SLC14A2: variants seen among roughly 807,000 people sequenced by gnomAD.
The protein encoded by SLC14A2 is solute carrier family 14 member 2.
In SLC14A2, 91 loss-of-function variants were observed where a neutral mutation model predicts 104.6. The ratio of observed to expected loss-of-function variants is 0.87; its 90% CI spans 0.73 to 1.04. The LOEUF (loss-of-function observed/expected upper bound fraction) is 1.04. SLC14A2 is among the 50% of genes least tolerant of loss of function. The pLI is 0.00. For missense variants in SLC14A2, 1,189 were observed against 1,156.0 expected, an observed-to-expected ratio of 1.03 and a Z score of -0.41; for synonymous variants, 476 against 466.4, an observed-to-expected ratio of 1.02 and a Z score of -0.27.
intron 18 of SLC14A2, among the ~76,000 whole-genome samples, chr18:45,677,061 A>G (rs565170420): frequency 7.6e-4 from 116 of 152,018 alleles, no homozygotes; most frequent in African/African-American, 2.7e-3. Context: ...TCGGCACATC[A>G]CCTGAGACAG....
intron 5 of SLC14A2, among the ~76,000 whole-genome samples, chr18:45,633,943 G>A (rs370687672): frequency 1.7e-4 from 26 of 152,186 alleles, no homozygotes; most frequent in African/African-American, 4.3e-4. Flanking sequence ...TGCCCCCCAC[G>A]TTCCTGCCTG....
At chr18:45,680,450 C>G (rs527262028) in intron 19 of SLC14A2, among the ~76,000 whole-genome samples, 16 of 152,318 alleles carry the variant, frequency 1.1e-4, no homozygotes, top group African/African-American at 3.8e-4. Context: ...TAAAAAAGTA[C>G]AGGCTATTAA....
intron 1 of SLC14A2, among the ~76,000 whole-genome samples, chr18:45,326,784 T>C (rs2085238867): frequency 6.6e-6 from 1 of 152,162 alleles, no homozygotes; most frequent in Non-Finnish European, 1.5e-5. Context: ...GCTCTACAAA[T>C]TTCCTTCCCC....
At chr18:45,520,086 G>A (rs576912216) in intron 2 of SLC14A2, among the ~76,000 whole-genome samples, 11 of 152,352 alleles carry the variant, frequency 7.2e-5, no homozygotes, top group South Asian at 6.2e-4. Flanking sequence ...GTTGAAGTAC[G>A]TAGAGGGTGG....
intron 2 of SLC14A2, among the ~76,000 whole-genome samples, chr18:45,500,576 C>CA (rs34543837): frequency 0.58 from 53,761 of 93,092 alleles, 12,959 homozygotes; most frequent in South Asian, 0.64. Flanking sequence ...GACTCCGTCT[C>CA]AAAAAAAAAA....
chr18:45,654,143 G>GGT (rs909400720), intron 10 of SLC14A2, among the ~76,000 whole-genome samples: 119 of 151,852 alleles, frequency 7.8e-4, no homozygotes, highest in Non-Finnish European at 1.6e-3. Flanking sequence ...ATGCTGGGGG[G>GGT]GACGTGGGTG....
chr18:45,299,468 T>C (rs1259861622), intron 1 of SLC14A2, among the ~76,000 whole-genome samples: 2 of 152,200 alleles, frequency 1.3e-5, no homozygotes, highest in Admixed American at 6.5e-5. Flanking sequence ...GTTTTTGTTT[T>C]TTTATTTTTT....
chr18:45,427,352 A>G (rs1301318141), intron 1 of SLC14A2, among the ~76,000 whole-genome samples: 1 of 152,004 alleles, frequency 6.6e-6, no homozygotes, highest in Non-Finnish European at 1.5e-5. Flanking sequence ...GGTTCTTTCC[A>G]TGGGACCACA....
chr18:45,584,333 C>T (rs2044538463), intron 2 of SLC14A2, among the ~76,000 whole-genome samples: 1 of 152,146 alleles, frequency 6.6e-6, no homozygotes, highest in South Asian at 2.1e-4. Context: ...GAAACTCATG[C>T]CTCATCTCAG....
chr18:45,648,767 T>A (rs1268000484), intron 10 of SLC14A2, among the ~76,000 whole-genome samples: 1 of 152,228 alleles, frequency 6.6e-6, no homozygotes. Context: ...TTTCTTTCAC[T>A]TTTTTACTAT....
intron 1 of SLC14A2, among the ~76,000 whole-genome samples, chr18:45,350,901 T>C (rs1214043210): frequency 6.6e-6 from 1 of 152,192 alleles, no homozygotes; most frequent in Non-Finnish European, 1.5e-5. Context: ...GCAAAAAATA[T>C]AAATTTCACA....
intron 1 of SLC14A2, among the ~76,000 whole-genome samples, chr18:45,395,395 G>T (rs2086017828): frequency 6.6e-6 from 1 of 152,132 alleles, no homozygotes; most frequent in South Asian, 2.1e-4. Flanking sequence ...CCATTTGGAG[G>T]CTGAGTAGAA....
At chr18:45,224,953 C>T (rs967436379) in intron 1 of SLC14A2, among the ~76,000 whole-genome samples, 1 of 152,204 alleles carries the variant, frequency 6.6e-6, no homozygotes, top group African/African-American at 2.4e-5. Flanking sequence ...CCTATTCACT[C>T]TGATGGTAGT....
intron 18 of SLC14A2, among the ~76,000 whole-genome samples, chr18:45,678,752 C>G (rs1158611622): frequency 6.6e-6 from 1 of 152,130 alleles, no homozygotes; most frequent in Non-Finnish European, 1.5e-5. Flanking sequence ...TCAATTCTGG[C>G]CCTTTTTAAC....
chr18:45,465,759 C>T (rs535314396), intron 1 of SLC14A2, among the ~76,000 whole-genome samples: 5 of 152,158 alleles, frequency 3.3e-5, no homozygotes, highest in South Asian at 2.1e-4. Flanking sequence ...TAAGCTATGA[C>T]GGGAGGAGCA....
Position 45,668,468 on chromosome 18 carries a change from C to T in SLC14A2, c.2027C>T (p.Ser676Phe), listed in dbSNP as rs1050274099. The change falls in exon 15 of 20, where the codon TCC (serine) becomes TTC (phenylalanine). Residue 676 changes from serine to phenylalanine, a missense_variant. Coordinates refer to ENST00000255226, the MANE Select transcript of SLC14A2 (RefSeq NM_007163.4). ...CTGTTGCTACCCGTCATCATCATGT[C>T]CATGTCTTGGTAAGTTTGCTTTTGA... ...WWLLLPVIIM[S>F]MSCPILSSAL... The T allele has an allele frequency of 9.3e-6, 15 of 1,614,156 alleles. No homozygotes were observed. Among genetic ancestry groups the T allele is most frequent in the Admixed American group, 1.7e-5 (1 of 60,028 alleles).
chr18:45,600,012 GACAA>G (rs925289045), intron 2 of SLC14A2, among the ~76,000 whole-genome samples: 3 of 152,022 alleles, frequency 2.0e-5, no homozygotes, highest in African/African-American at 4.8e-5. Flanking sequence ...TGGGGACACA[GACAA>G]ACAATATCAG....
chr18:45,544,105 A>C (rs1011949169), intron 2 of SLC14A2, among the ~76,000 whole-genome samples: 1 of 152,198 alleles, frequency 6.6e-6, no homozygotes, highest in East Asian at 1.9e-4. Flanking sequence ...CGCCCAATGC[A>C]CCGTCCCCTT....
chr18:45,472,956 C>T (rs923889057), intron 1 of SLC14A2, among the ~76,000 whole-genome samples: 1 of 152,186 alleles, frequency 6.6e-6, no homozygotes, highest in African/African-American at 2.4e-5. Context: ...TTGCCCATGC[C>T]TATGTCCTGA....
Sources: allele counts gnomAD v4.1 joint callset (sites outside exome capture counted in the v4.1 genomes callset), GRCh38; gene constraint gnomAD v4.1.1; transcripts MANE v1.5; gene names NCBI Gene and HGNC (gene_info 2026-07-23, HGNC 2026-07-21).